The following EIF3J variants were observed in gnomAD, a reference collection of about 807,000 sequenced individuals.
The protein encoded by EIF3J is eukaryotic translation initiation factor 3 subunit J, also known as eukaryotic translation initiation factor 3, subunit 1 (alpha, 35kD).
EIF3J carries 15 observed loss-of-function variants against 39.0 expected under a neutral mutation model. The observed-to-expected ratio is 0.38, with a 90% CI of 0.26 to 0.59. The LOEUF is 0.59. Ranked by LOEUF, EIF3J falls within the 20% of genes least tolerant of loss-of-function variation. The pLI, the probability that EIF3J is intolerant of heterozygous loss-of-function variation, is 0.60. For missense variants in EIF3J, 226 were observed against 308.6 expected, an observed-to-expected ratio of 0.73 and a Z score of 2.00; for synonymous variants, 98 against 112.9, an observed-to-expected ratio of 0.87 and a Z score of 0.84.
intron 5 of EIF3J, among the ~76,000 whole-genome samples, chr15:44,555,652 A>C (rs553758233): frequency 4.6e-5 from 7 of 152,230 alleles, no homozygotes; most frequent in Non-Finnish European, 7.3e-5. Context: ...TTTATTAAAG[A>C]GGCAGGTTTA....
In EIF3J at chr15:44,547,440, CTT is replaced by C. The variant is rs986408245; in HGVS notation, c.148-3413_148-3412del. 6.2e-4 allele frequency among the ~76,000 whole-genome samples: 57 copies of C among 92,522 alleles called. 1 individual carries two copies. The South Asian group carries it at 0.014, about 23-fold the overall frequency. 60.7% of individuals were successfully genotyped at this position (92,522 alleles called of 152,430 possible). A position where few individuals can be genotyped will look rare whatever the true frequency, so the allele number is the denominator to read the frequency against. On this transcript the variant is annotated intron_variant, in intron 2 of 7. Coordinates refer to ENST00000261868, the MANE Select transcript of EIF3J (RefSeq NM_003758.4). The stretch of plus-strand genomic sequence containing the variant: ...TTACAGGCGTAAGCCGGCCTTGATT[CTT>C]TTTTTTTTTTTTTTTTTTTTTTGAG...
At chr15:44,550,005 CA>C (rs1216038723) in intron 2 of EIF3J, among the ~76,000 whole-genome samples, 1 of 151,274 alleles carries the variant, frequency 6.6e-6, no homozygotes, top group Non-Finnish European at 1.5e-5. Flanking sequence ...TGTTGGGATG[CA>C]TAGCAATTCA....
chr15:44,550,265 A>G (rs2082088200), intron 2 of EIF3J, among the ~76,000 whole-genome samples: 1 of 152,196 alleles, frequency 6.6e-6, no homozygotes, highest in Non-Finnish European at 1.5e-5. Flanking sequence ...GGATATTAAC[A>G]TATAAAAAAG....
intron 5 of EIF3J, among the ~76,000 whole-genome samples, chr15:44,556,409 A>G (rs549337723): frequency 6.6e-6 from 1 of 152,208 alleles, no homozygotes; most frequent in East Asian, 1.9e-4. Context: ...TGGCATGACC[A>G]TAGCTCACTG....
intron 5 of EIF3J, among the ~76,000 whole-genome samples, chr15:44,556,825 TAAAA>T (rs1343508548): frequency 3.3e-5 from 5 of 152,018 alleles, no homozygotes; most frequent in African/African-American, 4.8e-5. Context: ...CCTGGCTAAT[TAAAA>T]AAATTTTTTT....
intron 2 of EIF3J, among the ~76,000 whole-genome samples, chr15:44,539,604 G>T (rs913232434): frequency 6.6e-6 from 1 of 151,226 alleles, no homozygotes; most frequent in African/African-American, 2.4e-5. Flanking sequence ...GTTTCACCGT[G>T]TTAGCCAGGA....
intron 5 of EIF3J, 34 bp from the exon 6 acceptor site, chr15:44,557,455 C>G (rs780287945): frequency 6.8e-7 from 1 of 1,467,936 alleles, no homozygotes; most frequent in Non-Finnish European, 9.0e-7. Context: ...ATCCTAACCT[C>G]CTGATACTTT....
At chr15:44,537,567 C>T (rs2081970018) in intron 2 of EIF3J, 140 bp downstream of exon 2, 1 of 880,078 alleles carries the variant, frequency 1.1e-6, no homozygotes, top group Non-Finnish European at 1.6e-6. Flanking sequence ...CTCTCTTCCC[C>T]TCCGCTTGCC....
chr15:44,561,420 A>T lies in EIF3J; in HGVS notation c.*271A>T. The T allele has an allele frequency of 3.9e-6, 1 of 254,046 alleles. No individual in the cohort carries two copies. The allele number at this position is 254,046 out of a possible 1,614,324, so 15.7% of individuals were successfully genotyped here. ...TGTCGTTGTTGCTATCTGATTTCAT[A>T]GCAGCAGTCACTAAATTGGAAACAA... On this transcript the variant is annotated 3_prime_UTR_variant, in exon 8 of 8. Coordinates refer to ENST00000261868, the MANE Select transcript of EIF3J (RefSeq NM_003758.4).
intron 2 of EIF3J, among the ~76,000 whole-genome samples, chr15:44,539,828 C>T (rs1035635632): frequency 1.3e-5 from 2 of 151,374 alleles, no homozygotes; most frequent in Non-Finnish European, 2.9e-5. Flanking sequence ...AGTGCAGTGG[C>T]ACGATCTCTG....
chr15:44,556,663 CCAT>C (rs1401004300), intron 5 of EIF3J, among the ~76,000 whole-genome samples: 1 of 152,126 alleles, frequency 6.6e-6, no homozygotes, highest in Non-Finnish European at 1.5e-5. Context: ...CATGCCACCA[CCAT>C]GCCTGGCTAA....
intron 2 of EIF3J, among the ~76,000 whole-genome samples, chr15:44,547,248 A>G (rs1296316001): frequency 1.3e-5 from 2 of 151,738 alleles, no homozygotes; most frequent in African/African-American, 2.4e-5. Flanking sequence ...GGTTCAAGCA[A>G]TTTTCCTGCC....
In EIF3J at chr15:44,560,336, G is replaced by T; in HGVS notation, c.645+14G>T. The T allele has an allele frequency of 6.2e-7, 1 of 1,611,740 alleles. No individual in the cohort carries two copies. Among genetic ancestry groups the T allele is most frequent in the Non-Finnish European group, 8.5e-7 (1 of 1,179,346 alleles). ...AAGCAAGAAAAGGTAAGAGCAAGCT[G>T]TGTAGGGAAATGGGTATTAAATTAG... On this transcript the variant is annotated intron_variant, in intron 7 of 7. Coordinates refer to ENST00000261868, the MANE Select transcript of EIF3J (RefSeq NM_003758.4).
rs1224968453 is a variant in EIF3J at position 44,561,892 on chromosome 15, CAA to C, written c.*745_*746del. 6.6e-6 allele frequency: 1 copy of C among 152,574 alleles called. No homozygotes were observed. The highest frequency in any genetic ancestry group is 1.5e-5 in the Non-Finnish European group (1 of 68,026). 9.5% of individuals were successfully genotyped at this position (152,574 alleles called of 1,614,324 possible). On this transcript the variant is annotated 3_prime_UTR_variant, in exon 8 of 8. Transcript: ENST00000261868. ...TTGCCTGATTTAAGTGTCTGAGAAA[CAA>C]ATCTTTGTTCTCTTAGGCTGCAATG... is the stretch of plus-strand genomic sequence containing the variant.
At chr15:44,539,915 C>T (rs192444888) in intron 2 of EIF3J, among the ~76,000 whole-genome samples, 59 of 150,038 alleles carry the variant, frequency 3.9e-4, no homozygotes, top group East Asian at 7.8e-4. Flanking sequence ...TGTGCACCGC[C>T]GTGCCCAGCT....
chr15:44,554,565 G>A lies in EIF3J; in HGVS notation c.307G>A (p.Glu103Lys), dbSNP rs1245026997. Residue 103 changes from glutamate (E) to lysine (K), a missense_variant, in exon 5 of 8, where the codon GAA (glutamate) becomes AAA (lysine). By Grantham distance (56) the Glu-to-Lys change is moderately conservative. Transcript: ENST00000261868. The part of the protein sequence containing the change: ...EEIKKRLEEP[E>K]EPKVLTPEEQ... ...TGTCTCATTTTAGTTAGAAGAACCC[G>A]AAGAACCTAAAGTGCTAACACCAGA... 7 of 1,606,958 alleles carry A rather than the reference G, an allele frequency of 4.4e-6. No homozygotes were observed. Among genetic ancestry groups the A allele is most frequent in the South Asian group, 2.2e-5 (2 of 89,068 alleles).
chr15:44,557,319 C>T (rs1468570450), intron 5 of EIF3J, among the ~76,000 whole-genome samples, 170 bp from the exon 6 acceptor site: 1 of 152,048 alleles, frequency 6.6e-6, no homozygotes, highest in African/African-American at 2.4e-5. Flanking sequence ...TTGTAACCCC[C>T]CTCCCCCCTC....
At chr15:44,552,786 C>A (rs1266053161) in intron 4 of EIF3J, among the ~76,000 whole-genome samples, 1 of 152,206 alleles carries the variant, frequency 6.6e-6, no homozygotes, top group African/African-American at 2.4e-5. Flanking sequence ...TCTCAAACTC[C>A]TGACCTCAGG....
chr15:44,538,205 A>G (rs1332548411), intron 2 of EIF3J, among the ~76,000 whole-genome samples: 1 of 151,450 alleles, frequency 6.6e-6, no homozygotes, highest in Non-Finnish European at 1.5e-5. Context: ...TGCCTTGTAG[A>G]TAATCATTTT....
Sources: gnomAD v4.1 joint callset for allele counts (sites outside exome capture counted in the v4.1 genomes callset) on GRCh38, gnomAD v4.1.1 for gene constraint, MANE v1.5 for transcripts, NCBI Gene and HGNC (gene_info 2026-07-23, HGNC 2026-07-21) for gene names.